Variants in SHROOM3 observed in about 807,000 individuals in gnomAD.
The protein encoded by SHROOM3 is shroom family member 3.
In SHROOM3, 47 loss-of-function variants were observed where a neutral mutation model predicts 138.6. The ratio of observed to expected loss-of-function variants is 0.34; its 90% CI spans 0.27 to 0.43. The LOEUF is 0.43. Among genes scored for constraint, SHROOM3 ranks in the 20% least tolerant of loss-of-function variants. The pLI, the probability that SHROOM3 is intolerant of heterozygous loss-of-function variation, is 1.00. For synonymous variants in SHROOM3, 1,062 were observed against 1,063.3 expected (o/e 1.00, Z 0.02); for missense variants, 2,491 against 2,596.5 (o/e 0.96, Z 0.88).
intron 1 of SHROOM3, among the ~76,000 whole-genome samples, chr4:76,446,767 A>G (rs1316812543): frequency 1.3e-5 from 2 of 152,194 alleles, no homozygotes; most frequent in Admixed American, 1.3e-4. Context: ...CCCGGTTATG[A>G]GCTGGGCACC....
intron 2 of SHROOM3, among the ~76,000 whole-genome samples, chr4:76,608,605 CATAGCATTGGACAGAGATGGT>C (rs1734680779): frequency 4.7e-5 from 5 of 105,592 alleles, no homozygotes; most frequent in South Asian, 2.9e-4. Flanking sequence ...CATAGCATAG[CATAGCATTGGACAGAGATGGT>C]ATAGCATAGC....
chr4:76,622,553 A>G (rs568644827), intron 2 of SHROOM3, among the ~76,000 whole-genome samples: 44 of 152,098 alleles, frequency 2.9e-4, no homozygotes, highest in African/African-American at 1.0e-3. Context: ...TCACAAGCAG[A>G]TAAAGGCTCT....
At chr4:76,500,576 T>C (rs984775656) in intron 1 of SHROOM3, among the ~76,000 whole-genome samples, 4 of 152,088 alleles carry the variant, frequency 2.6e-5, no homozygotes, top group Non-Finnish European at 5.9e-5. Context: ...CTACTAGCAG[T>C]GTAGGAAAGT....
chr4:76,666,067 T>A (rs2110095388), intron 2 of SHROOM3, among the ~76,000 whole-genome samples: 1 of 152,270 alleles, frequency 6.6e-6, no homozygotes, highest in Non-Finnish European at 1.5e-5. Context: ...TATGGATTAC[T>A]GGGAAAAAAA....
Position 76,739,283 on chromosome 4 carries a change from G to C in SHROOM3, c.1110G>C (p.Glu370Asp). Residue 370 changes from glutamate (E) to aspartate (D), a missense_variant, in exon 5 of 11, where the codon GAG (glutamate) becomes GAC (aspartate). Glu to Asp is a conservative substitution (Grantham distance 45). Around this residue, in one of 4 missense-constraint regions of SHROOM3, gnomAD observed 1,733 missense variants for 1,661.6 expected, o/e 1.04. Transcript: ENST00000296043. ...SWSQQCPSSL[E>D]TATDNLPPKV... is the part of the protein sequence containing the mutation. The stretch of plus-strand genomic sequence containing the variant: ...GCCAGCAGTGCCCCAGTTCCTTGGA[G>C]ACTGCCACGGACAACCTTCCTCCTA... The C allele has an allele frequency of 6.2e-7, 1 of 1,614,046 alleles. No individual in the cohort carries two copies. Among genetic ancestry groups the C allele is most frequent in the South Asian group, 1.1e-5 (1 of 91,076 alleles).
intron 2 of SHROOM3, among the ~76,000 whole-genome samples, chr4:76,617,033 G>C (rs1478440850): frequency 4.6e-5 from 7 of 152,200 alleles, no homozygotes; most frequent in Admixed American, 4.6e-4. Context: ...CATTTGAAAG[G>C]TGAAGTAGCA....
chr4:76,761,170 C>T (rs1188791676), intron 9 of SHROOM3, among the ~76,000 whole-genome samples: 3 of 151,690 alleles, frequency 2.0e-5, no homozygotes, highest in Admixed American at 1.3e-4. Flanking sequence ...AGTTTTTTAA[C>T]CTTTGTCCCC....
intron 2 of SHROOM3, among the ~76,000 whole-genome samples, chr4:76,695,433 T>C (rs1385580826): frequency 6.6e-6 from 1 of 152,238 alleles, no homozygotes; most frequent in Non-Finnish European, 1.5e-5. Context: ...AGGTAAGAAA[T>C]GTGCCCCAGA....
Position 76,551,058 on chromosome 4 carries a change from T to A in SHROOM3, c.169-4551T>A, listed in dbSNP as rs997695679. Among the ~76,000 whole-genome samples, 5 of 151,836 alleles carry A rather than the reference T, an allele frequency of 3.3e-5. No individual in the cohort carries two copies. The South Asian group carries it at 1.0e-3, about 32-fold the overall frequency. On this transcript the variant is annotated intron_variant, in intron 1 of 10. Coordinates refer to ENST00000296043, the MANE Select transcript of SHROOM3 (RefSeq NM_020859.4). Reference sequence around the variant, plus strand: ...TCTCCCTCTGTTGCCCAGACTGGAATGAAATGGTGCAATCTTGGCTCACTG... The same window carrying A: ...TCTCCCTCTGTTGCCCAGACTGGAAAGAAATGGTGCAATCTTGGCTCACTG...
At chr4:76,720,249 C>T (rs910316199) in intron 3 of SHROOM3, among the ~76,000 whole-genome samples, 9 of 139,578 alleles carry the variant, frequency 6.4e-5, no homozygotes, top group Non-Finnish European at 1.2e-4. Context: ...AGGAGTTGGC[C>T]GGGTGCAGTG....
intron 3 of SHROOM3, among the ~76,000 whole-genome samples, chr4:76,713,699 G>A (rs1720295959): frequency 6.6e-6 from 1 of 152,140 alleles, no homozygotes; most frequent in Non-Finnish European, 1.5e-5. Context: ...TTAGAGGACT[G>A]GCAAGTGCAG....
chr4:76,635,766 T>A (rs540627241), intron 2 of SHROOM3, among the ~76,000 whole-genome samples: 1 of 152,334 alleles, frequency 6.6e-6, no homozygotes, highest in East Asian at 1.9e-4. Flanking sequence ...AACTCCGTAG[T>A]TCCTTCACCA....
chr4:76,441,557 C>T (rs530069310), intron 1 of SHROOM3, among the ~76,000 whole-genome samples: 21 of 152,166 alleles, frequency 1.4e-4, no homozygotes, highest in African/African-American at 5.1e-4. Flanking sequence ...CCCTTTCTTG[C>T]TTTTTCCTTT....
rs781166947 is a variant in SHROOM3 at position 76,779,012 on chromosome 4, C to T, written c.5826C>T (p.Ile1942=). 4 of 1,614,168 alleles carry T rather than the reference C, an allele frequency of 2.5e-6. No individual in the cohort carries two copies. Among genetic ancestry groups the T allele is most frequent in the Middle Eastern group, 3.3e-4 (2 of 6,058 alleles). Residue 1942 remains isoleucine, a synonymous_variant, in exon 11 of 11, where the codon ATC becomes ATT. Coordinates refer to ENST00000296043, the MANE Select transcript of SHROOM3 (RefSeq NM_020859.4). ...AGCAACGGAAGCTGGATGACAAGAT[C>T]AAGCTGGGCCAGGAGCAGGTCAAGT... ...LIEQRKLDDK[I]KLGQEQVKCL...
At chr4:76,692,392 A>G (rs1382057234) in intron 2 of SHROOM3, among the ~76,000 whole-genome samples, 2 of 152,226 alleles carry the variant, frequency 1.3e-5, no homozygotes, top group East Asian at 3.8e-4. Context: ...TATAAGAGGC[A>G]AAATAAAACA....
intron 2 of SHROOM3, among the ~76,000 whole-genome samples, chr4:76,647,291 A>G (rs1477945227): frequency 1.3e-5 from 2 of 152,116 alleles, no homozygotes; most frequent in African/African-American, 4.8e-5. Flanking sequence ...GGTGATGAAG[A>G]GATGTTGGTT....
At chr4:76,527,318 C>T (rs1732712266) in intron 1 of SHROOM3, among the ~76,000 whole-genome samples, 1 of 152,224 alleles carries the variant, frequency 6.6e-6, no homozygotes, top group Admixed American at 6.5e-5. Flanking sequence ...CGCGGTGGCT[C>T]ATGCCTGTAA....
rs573776689 is a variant in SHROOM3, at chr4:76,680,498, C to T, written c.324-29658C>T. Among the ~76,000 whole-genome samples the T allele has an allele frequency of 5.9e-5, 9 of 152,198 alleles. No homozygotes were observed. The South Asian group carries it at 1.7e-3, about 28-fold the overall frequency. On this transcript the variant is annotated intron_variant, in intron 2 of 10. Coordinates refer to ENST00000296043, the MANE Select transcript of SHROOM3 (RefSeq NM_020859.4). ...GGATTTTCTTCTCTGAAATTTTGCT[C>T]GGGGACCAAAATTTAAATAAATACC...
chr4:76,509,751 C>G (rs1038875060), intron 1 of SHROOM3: 1 of 152,202 alleles, frequency 6.6e-6, no homozygotes, highest in Non-Finnish European at 1.5e-5. Flanking sequence ...TGAGCACTCT[C>G]AGACTCTTTA....
Sources: gnomAD v4.1 joint callset for allele counts (sites outside exome capture counted in the v4.1 genomes callset) on GRCh38, gnomAD v4.1.1 for gene constraint, gnomAD v4.1.1 regional missense constraint, MANE v1.5 for transcripts, NCBI Gene and HGNC (gene_info 2026-07-23, HGNC 2026-07-21) for gene names.